Variants in NDUFAF6 observed in about 807,000 individuals in gnomAD.
NDUFAF6 encodes the protein NADH:ubiquinone oxidoreductase complex assembly factor 6, also known as NADH dehydrogenase (ubiquinone) complex I, assembly factor 6.
In NDUFAF6, 45 loss-of-function variants were observed where a neutral mutation model predicts 40.8. The ratio of observed to expected loss-of-function variants is 1.10; its 90% CI spans 0.87 to 1.42. The LOEUF (loss-of-function observed/expected upper bound fraction) is 1.42, where lower values mean the gene tolerates loss of function less well. Among genes scored for constraint, NDUFAF6 ranks in the 40% most tolerant of loss-of-function variants. The probability of loss-of-function intolerance (pLI) is 0.00; values close to 1 mark genes in which losing one functional copy is unlikely to be tolerated. For synonymous variants in NDUFAF6, 185 were observed against 155.9 expected, an observed-to-expected ratio of 1.19 and a Z score of -1.39; for missense variants, 435 against 418.5, an observed-to-expected ratio of 1.04 and a Z score of -0.34.
Position 95,028,974 on chromosome 8 carries a change from G to A in NDUFAF6, c.198-3021G>A, listed in dbSNP as rs916708140. ...AACTGCTTAGGGTGAGATCTTTTTA[G>A]CAGTACTCTTGAGATAGCAAGGTTA... is the stretch of plus-strand genomic sequence containing the variant. On this transcript the variant is annotated intron_variant, in intron 1 of 8. Transcript: ENST00000396124. Among the ~76,000 whole-genome samples, 10 of 152,300 alleles carry A rather than the reference G, an allele frequency of 6.6e-5. No individual in the cohort carries two copies. In the East Asian group the frequency reaches 1.4e-3, roughly 21 times the overall value.
At chr8:94,903,984 C>G (rs1586596631) in intron 1 of NDUFAF6, among the ~76,000 whole-genome samples, 1 of 152,104 alleles carries the variant, frequency 6.6e-6, no homozygotes, top group Non-Finnish European at 1.5e-5. Context: ...CTGACCTGCC[C>G]CTGGCTCCCT....
At chr8:95,046,302 C>G (rs777290718) in intron 5 of NDUFAF6, among the ~76,000 whole-genome samples, 15 of 152,278 alleles carry the variant, frequency 9.9e-5, no homozygotes, top group Admixed American at 3.9e-4. Flanking sequence ...GCCTCGGCCT[C>G]CCAAAGTGCT....
At chr8:95,008,914 G>A (rs1161087148) in intron 2 of NDUFAF6, among the ~76,000 whole-genome samples, 2 of 152,128 alleles carry the variant, frequency 1.3e-5, no homozygotes, top group Admixed American at 6.5e-5. Flanking sequence ...TTGTAGATAT[G>A]GGCTGGGCAT....
intron 1 of NDUFAF6, among the ~76,000 whole-genome samples, chr8:94,906,935 A>G (rs1030367274): frequency 1.3e-5 from 2 of 152,220 alleles, no homozygotes; most frequent in African/African-American, 2.4e-5. Context: ...CGTCAACATT[A>G]TGTATCCAGC....
At chr8:95,051,808 G>T (rs28645447) in intron 7 of NDUFAF6, among the ~76,000 whole-genome samples, 5 of 152,108 alleles carry the variant, frequency 3.3e-5, no homozygotes, top group Non-Finnish European at 7.3e-5. Flanking sequence ...ACCTAGGAGG[G>T]TCTTACTCAT....
At chr8:95,103,944 T>G (rs1440910187), downstream of NDUFAF6, among the ~76,000 whole-genome samples, 11 of 152,226 alleles carry the variant, frequency 7.2e-5, no homozygotes, top group Non-Finnish European at 1.3e-4. Flanking sequence ...GGAGATCAGG[T>G]GTCTATCAGA....
At chr8:95,042,534 G>C (rs1830259424) in intron 4 of NDUFAF6, among the ~76,000 whole-genome samples, 1 of 152,146 alleles carries the variant, frequency 6.6e-6, no homozygotes, top group African/African-American at 2.4e-5. Flanking sequence ...TTTTGAAGGG[G>C]GGGATATTTA....
upstream of NDUFAF6, among the ~76,000 whole-genome samples, chr8:95,097,034 AG>A (rs1420797631): frequency 2.6e-5 from 4 of 152,182 alleles, no homozygotes; most frequent in Non-Finnish European, 5.9e-5. Flanking sequence ...GAGGCCTAAC[AG>A]GGGGTTAAGG....
At chr8:94,925,089 C>T (rs1228275770) in intron 1 of NDUFAF6, among the ~76,000 whole-genome samples, 1 of 152,212 alleles carries the variant, frequency 6.6e-6, no homozygotes, top group African/African-American at 2.4e-5. Context: ...AGTCAACGTT[C>T]ATGACCTTAT....
intron 2 of NDUFAF6, among the ~76,000 whole-genome samples, chr8:94,981,782 C>G (rs1223399800): frequency 2.0e-5 from 3 of 152,134 alleles, no homozygotes; most frequent in Admixed American, 6.5e-5. Context: ...ACCTCAACCA[C>G]TATTTGATTG....
At chr8:95,045,460 C>A in intron 4 of NDUFAF6, 85 bp from the exon 5 acceptor site, 1 of 865,994 alleles carries the variant, frequency 1.2e-6, no homozygotes, top group Non-Finnish European at 2.0e-6. Flanking sequence ...ATTCGTTATT[C>A]AGTTCTTTGG....
At chr8:95,046,872 T>C (rs1216442428) in intron 5 of NDUFAF6, 122 bp from the exon 6 acceptor site, 2 of 1,360,624 alleles carry the variant, frequency 1.5e-6, no homozygotes, top group South Asian at 1.2e-5. Flanking sequence ...AAATCCTGTT[T>C]TTCAGATGTA....
upstream of NDUFAF6, among the ~76,000 whole-genome samples, chr8:94,956,075 G>A (rs927818392): frequency 2.6e-5 from 4 of 152,200 alleles, no homozygotes; most frequent in Admixed American, 1.3e-4. Flanking sequence ...CTTAGTGCAA[G>A]CTGAATGACT....
chr8:95,117,912 C>T (rs751318155), downstream of NDUFAF6, among the ~76,000 whole-genome samples: 1 of 152,298 alleles, frequency 6.6e-6, no homozygotes, highest in South Asian at 2.1e-4. Flanking sequence ...TCCATGTGTT[C>T]AAACTCCCCA....
At chr8:95,002,537 G>A (rs920968250) in intron 2 of NDUFAF6, among the ~76,000 whole-genome samples, 1 of 152,166 alleles carries the variant, frequency 6.6e-6, no homozygotes, top group African/African-American at 2.4e-5. Context: ...AAAATAAGAA[G>A]CAGAATCTAT....
chr8:94,909,729 A>G (rs538715369), intron 1 of NDUFAF6, among the ~76,000 whole-genome samples: 7 of 152,048 alleles, frequency 4.6e-5, no homozygotes, highest in African/African-American at 1.4e-4. Context: ...GTTTGAGACC[A>G]GCCTAGGCAA....
intron 2 of NDUFAF6, among the ~76,000 whole-genome samples, chr8:94,984,466 A>G (rs1027385885): frequency 1.3e-5 from 2 of 152,250 alleles, no homozygotes; most frequent in Non-Finnish European, 2.9e-5. Flanking sequence ...TTTGTGTAAT[A>G]TCACTTTACT....
chr8:94,933,762 C>A (rs1820664817), intron 1 of NDUFAF6, among the ~76,000 whole-genome samples: 1 of 118,376 alleles, frequency 8.4e-6, no homozygotes, highest in East Asian at 2.7e-4. Flanking sequence ...AAGACTCTCT[C>A]AAAAAAAACC....
chr8:95,049,585 C>T (rs1000387477), intron 7 of NDUFAF6, among the ~76,000 whole-genome samples: 3 of 151,898 alleles, frequency 2.0e-5, no homozygotes, highest in Non-Finnish European at 4.4e-5. Flanking sequence ...TTTTTTTAGC[C>T]TTCAGTAGAT....
Sources: allele counts gnomAD v4.1 joint callset (sites outside exome capture counted in the v4.1 genomes callset), GRCh38; gene constraint gnomAD v4.1.1; transcripts MANE v1.5; gene names NCBI Gene and HGNC (gene_info 2026-07-23, HGNC 2026-07-21).